The following ATP2A2 variants were observed in gnomAD, a reference collection of about 807,000 sequenced individuals.
ATP2A2 encodes the protein sarcoplasmic/endoplasmic reticulum calcium ATPase 2.
In ATP2A2, 14 loss-of-function variants were observed where a neutral mutation model predicts 109.3. The ratio of observed to expected loss-of-function variants is 0.13; its 90% CI spans 0.08 to 0.20. The LOEUF is 0.20. ATP2A2 is among the 10% of genes least tolerant of loss of function. The pLI, the probability that ATP2A2 is intolerant of heterozygous loss-of-function variation, is 1.00. For missense variants in ATP2A2, 657 were observed against 1,321.6 expected (o/e 0.50, Z 7.80); for synonymous variants, 506 against 490.9 (o/e 1.03, Z -0.41).
chr12:110,291,827 T>C (rs762626402), intron 3 of ATP2A2, among the ~76,000 whole-genome samples, 193 bp from the exon 4 acceptor site: 1 of 151,950 alleles, frequency 6.6e-6, no homozygotes, highest in Non-Finnish European at 1.5e-5. Flanking sequence ...TTTGTATTTT[T>C]AGTAGAGATG....
chr12:110,292,222 G>A (rs990770917), intron 4 of ATP2A2, 98 bp downstream of exon 4: 2 of 899,610 alleles, frequency 2.2e-6, no homozygotes, highest in African/African-American at 1.7e-5. Context: ...GATGTGTTGA[G>A]TAAAAATATG....
intron 5 of ATP2A2, among the ~76,000 whole-genome samples, chr12:110,302,130 A>G (rs937317717): frequency 6.6e-6 from 1 of 152,166 alleles, no homozygotes; most frequent in African/African-American, 2.4e-5. Flanking sequence ...GTGGTAAAGT[A>G]TACATATTAT....
Position 110,348,449 on chromosome 12 carries a change from A to G in ATP2A2, c.*1979A>G. 1.0e-6 allele frequency: 1 copy of G among 985,520 alleles called. No individual in the cohort carries two copies. Among genetic ancestry groups the G allele is most frequent in the Non-Finnish European group, 1.2e-6 (1 of 830,038 alleles). 61.0% of individuals were successfully genotyped at this position (985,520 alleles called of 1,614,324 possible). Reference sequence around the variant, plus strand: ...GGCTCTGGTTACTGGGATGGCCAGTAGATGTAATGCAGATGGTTGGAGTTT... The same window carrying G: ...GGCTCTGGTTACTGGGATGGCCAGTGGATGTAATGCAGATGGTTGGAGTTT... On this transcript the variant is annotated 3_prime_UTR_variant, in exon 20 of 20. Coordinates refer to ENST00000539276, the MANE Select transcript of ATP2A2 (RefSeq NM_170665.4).
In ATP2A2 at chr12:110,296,850, CATTTT is replaced by C. The variant is rs1313104298; in HGVS notation, c.463+117_463+121del. 2.6e-5 allele frequency: 31 copies of C among 1,191,674 alleles called. No homozygotes were observed. In the South Asian group the frequency reaches 3.2e-4, roughly 12 times the overall value. 73.8% of individuals were successfully genotyped at this position (1,191,674 alleles called of 1,614,324 possible). A position where few individuals can be genotyped will look rare whatever the true frequency, so the allele number is the denominator to read the frequency against. On this transcript the variant is annotated intron_variant, in intron 5 of 19. Coordinates refer to ENST00000539276, the MANE Select transcript of ATP2A2 (RefSeq NM_170665.4). The stretch of plus-strand genomic sequence containing the variant: ...AATTGTTTTCATGTATCAATTAACA[CATTTT>C]ATTGCCATTCATACAAATCCTACAT...
At chr12:110,320,328 A>G (rs912537845) in intron 5 of ATP2A2, among the ~76,000 whole-genome samples, 1 of 152,242 alleles carries the variant, frequency 6.6e-6, no homozygotes, top group African/African-American at 2.4e-5. Context: ...AATAGTGCTT[A>G]TAGATTGACG....
Position 110,339,214 on chromosome 12 carries a change from A to T in ATP2A2, c.1420-67A>T. Reference sequence around the variant, plus strand: ...CATCTGTCATGTAATAGGTGTGCTTACTGCTTGTTAGGTAAAAAAGTTCAG... The same window carrying T: ...CATCTGTCATGTAATAGGTGTGCTTTCTGCTTGTTAGGTAAAAAAGTTCAG... On this transcript the variant is annotated intron_variant, in intron 11 of 19. Coordinates refer to ENST00000539276, the MANE Select transcript of ATP2A2 (RefSeq NM_170665.4). The surrounding 1 kb of genome is among the most constrained non-coding windows in gnomAD (Gnocchi z 4.4). 6.3e-7 allele frequency: 1 copy of T among 1,595,176 alleles called. No individual in the cohort carries two copies. The highest frequency in any genetic ancestry group is 8.6e-7 in the Non-Finnish European group (1 of 1,165,306).
chr12:110,322,842 C>T, intron 5 of ATP2A2, 150 bp from the exon 6 acceptor site: 1 of 685,874 alleles, frequency 1.5e-6, no homozygotes, highest in African/African-American at 1.8e-5. Context: ...ATAGGTTGAT[C>T]ACTTTGCTTG....
At chr12:110,309,266 T>G (rs764735774) in intron 5 of ATP2A2, among the ~76,000 whole-genome samples, 49 of 143,942 alleles carry the variant, frequency 3.4e-4, no homozygotes, top group Non-Finnish European at 6.0e-4. Context: ...CAAGCGATTC[T>G]CCTGCCTCAG....
chr12:110,317,538 G>A lies in ATP2A2; in HGVS notation c.464-5454G>A, dbSNP rs1439989897. Among the ~76,000 whole-genome samples, 5 of 151,576 alleles carry A rather than the reference G, an allele frequency of 3.3e-5. No individual in the cohort carries two copies. The South Asian group carries it at 8.4e-4, about 25-fold the overall frequency. ...AATTATAGGCGCCCGCCACCATGCC[G>A]GGCTAATTTTTATATTTTTAGTAGA... is the stretch of plus-strand genomic sequence containing the variant. On this transcript the variant is annotated intron_variant, in intron 5 of 19. Transcript: ENST00000539276.
At position 110,328,160 on chromosome 12, in the gene ATP2A2, T is replaced by A. The variant is rs1592846230; in HGVS notation, c.1095+143T>A. 7.1e-6 allele frequency: 6 copies of A among 850,676 alleles called. No individual in the cohort carries two copies. In the East Asian group the frequency reaches 1.6e-4, roughly 22 times the overall value. 52.7% of individuals were successfully genotyped at this position (850,676 alleles called of 1,614,324 possible). ...ATAGCCTGAGCTTAATTTCTAATAT[T>A]TGAGAGGATCTAATCATTTAATTCC... On this transcript the variant is annotated intron_variant, in intron 8 of 19. Transcript: ENST00000539276.
rs182633513 is a variant in ATP2A2 at position 110,291,890 on chromosome 12, G to A, written c.220-130G>A. The A allele has an allele frequency of 7.5e-5, 59 of 786,414 alleles. No individual in the cohort carries two copies. In the East Asian group the frequency reaches 1.1e-3, roughly 14 times the overall value. 48.7% of individuals were successfully genotyped at this position (786,414 alleles called of 1,614,324 possible). A position where few individuals can be genotyped will look rare whatever the true frequency, so the allele number is the denominator to read the frequency against. ...CTGGAACTCTTGACCTCAGGTGATCGCCTGCCTTGGCCTCCCAAAGTGCTG... is the reference window on the plus strand; with the variant it reads ...CTGGAACTCTTGACCTCAGGTGATCACCTGCCTTGGCCTCCCAAAGTGCTG... On this transcript the variant is annotated intron_variant, in intron 3 of 19. Coordinates refer to ENST00000539276, the MANE Select transcript of ATP2A2 (RefSeq NM_170665.4).
intron 3 of ATP2A2, among the ~76,000 whole-genome samples, chr12:110,287,469 G>C (rs368105810): frequency 6.6e-6 from 1 of 152,174 alleles, no homozygotes; most frequent in African/African-American, 2.4e-5. Context: ...CATTGAACTT[G>C]TTTGATAATG....
intron 5 of ATP2A2, among the ~76,000 whole-genome samples, chr12:110,300,124 C>CTCCCT (rs1244307185): frequency 2.2e-5 from 3 of 137,914 alleles, no homozygotes; most frequent in Non-Finnish European, 4.8e-5. Flanking sequence ...TTTCCCTCCC[C>CTCCCT]TCCCCTCCCC....
At chr12:110,284,463 C>G (rs1290128363) in intron 3 of ATP2A2, among the ~76,000 whole-genome samples, 3 of 152,146 alleles carry the variant, frequency 2.0e-5, no homozygotes, top group Admixed American at 1.3e-4. Context: ...TGTGGGAAAC[C>G]ATGCCACTGG....
chr12:110,325,368 T>G (rs923789766), intron 6 of ATP2A2, among the ~76,000 whole-genome samples: 15 of 151,976 alleles, frequency 9.9e-5, no homozygotes, highest in East Asian at 1.9e-4. Context: ...GCATGGTGTC[T>G]CATGCCTGTA....
In ATP2A2 at chr12:110,349,357, C is replaced by A. The variant is rs1880187459; in HGVS notation, c.*2887C>A. The A allele has an allele frequency of 1.0e-6, 1 of 985,522 alleles. No homozygotes were observed. Among genetic ancestry groups the A allele is most frequent in the Middle Eastern group, 5.2e-4 (1 of 1,914 alleles). The allele number at this position is 985,522 out of a possible 1,614,324, so 61.0% of individuals were successfully genotyped here. A position where few individuals can be genotyped will look rare whatever the true frequency, so the allele number is the denominator to read the frequency against. On this transcript the variant is annotated 3_prime_UTR_variant, in exon 20 of 20. Coordinates refer to ENST00000539276, the MANE Select transcript of ATP2A2 (RefSeq NM_170665.4). ...CCTGAAACTTACTTCCACATTCTTTCCTGATGGGCAGGTGGCTGAAGGCCC... is the reference window on the plus strand; with the variant it reads ...CCTGAAACTTACTTCCACATTCTTTACTGATGGGCAGGTGGCTGAAGGCCC...
chr12:110,322,577 C>G (rs886526237), intron 5 of ATP2A2, among the ~76,000 whole-genome samples: 1 of 152,152 alleles, frequency 6.6e-6, no homozygotes, highest in African/African-American at 2.4e-5. Context: ...TTCCTGTTCA[C>G]AATAATTTAG....
rs769621334 is a variant in ATP2A2, at chr12:110,350,307, C to T, written c.*3837C>T. 147 of 1,614,016 alleles carry T rather than the reference C, an allele frequency of 9.1e-5. No homozygotes were observed. Among genetic ancestry groups the T allele is most frequent in the Non-Finnish European group, 1.2e-4 (136 of 1,180,040 alleles). On this transcript the variant is annotated 3_prime_UTR_variant, in exon 20 of 20. Transcript: ENST00000539276. ...TCCTTTTCAGCAATACTGGAGTAAC[C>T]GCTTCCTAAACCATTTTGCAGAAAT...
At position 110,349,895 on chromosome 12, in the gene ATP2A2, G is replaced by C; in HGVS notation, c.*3425G>C. On this transcript the variant is annotated 3_prime_UTR_variant, in exon 20 of 20. Coordinates refer to ENST00000539276, the MANE Select transcript of ATP2A2 (RefSeq NM_170665.4). ...AGCAGCCAGAAGCCGGGTGCCCACA[G>C]GGCAGGGACAGGAAGGCTGTGCTGC... 9.2e-7 allele frequency: 1 copy of C among 1,090,572 alleles called. No homozygotes were observed. The highest frequency in any genetic ancestry group is 1.1e-6 in the Non-Finnish European group (1 of 894,204). The allele number at this position is 1,090,572 out of a possible 1,614,324, so 67.6% of individuals were successfully genotyped here. A position where few individuals can be genotyped will look rare whatever the true frequency, so the allele number is the denominator to read the frequency against.
Sources: gnomAD v4.1 joint callset for allele counts (sites outside exome capture counted in the v4.1 genomes callset) on GRCh38, gnomAD v4.1.1 for gene constraint, Gnocchi (gnomAD v3.1) non-coding constraint, MANE v1.5 for transcripts, NCBI Gene and HGNC (gene_info 2026-07-23, HGNC 2026-07-21) for gene names.